The following PRTN3 variants were observed in gnomAD, a reference collection of about 807,000 sequenced individuals.
PRTN3 encodes the protein proteinase 3, also known as myeloblastin.
In PRTN3, 22 loss-of-function variants were observed where a neutral mutation model predicts 20.7. That is an observed-to-expected ratio of 1.06 (90% CI 0.76 to 1.52). The LOEUF is 1.52. Ranked by LOEUF, PRTN3 falls within the 40% of genes most tolerant of loss-of-function variation. The pLI, the probability that PRTN3 is intolerant of heterozygous loss-of-function variation, is 0.00. For missense variants in PRTN3, 378 were observed against 359.6 expected, an observed-to-expected ratio of 1.05 and a Z score of -0.41; for synonymous variants, 173 against 152.9, an observed-to-expected ratio of 1.13 and a Z score of -0.97.
rs555977799 is a variant in PRTN3, at chr19:843,808, G to T, written c.228-85G>T. On this transcript the variant is annotated intron_variant, in intron 2 of 4. Coordinates refer to ENST00000234347, the MANE Select transcript of PRTN3 (RefSeq NM_002777.4). ...CAGGGTCGCCGAGGGAGGGGTCTGG[G>T]GCTGCACCGCGGCCTCGGGAAGGGC... The T allele has an allele frequency of 1.5e-4, 225 of 1,493,416 alleles. 1 individual carries two copies. The African/African-American group carries it at 2.5e-3, about 16-fold the overall frequency. The allele number at this position is 1,493,416 out of a possible 1,614,324, so 92.5% of individuals were successfully genotyped here.
Position 843,623 on chromosome 19 carries a change from ACATGTGAGCGGCCG to A in PRTN3, c.226_227+12del. ...CTGACGGCCGCGCACTGCCTGCGGG[ACATGTGAGCGGCCG>A]CCTCCACACCCCTGTCCGCCCGCCC... is the stretch of plus-strand genomic sequence containing the variant. On this transcript the variant is annotated splice_donor_variant and splice_donor_5th_base_variant and coding_sequence_variant and intron_variant, in exon 2 of 5. Transcript: ENST00000234347. LOFTEE classifies it high-confidence loss of function. The A allele has an allele frequency of 6.3e-7, 1 of 1,575,080 alleles. No homozygotes were observed. The highest frequency in any genetic ancestry group is 8.6e-7 in the Non-Finnish European group (1 of 1,167,182).
intron 4 of PRTN3, among the ~76,000 whole-genome samples, chr19:846,715 A>C (rs1279570909): frequency 6.6e-6 from 1 of 151,182 alleles, no homozygotes; most frequent in East Asian, 1.9e-4. Context: ...CCCAGTTCCT[A>C]CGAAAGACCT....
chr19:841,804 T>C, intron 1 of PRTN3, among the ~76,000 whole-genome samples: 1 of 137,790 alleles, frequency 7.3e-6, no homozygotes, highest in African/African-American at 2.7e-5. Flanking sequence ...CTCGGCTCAC[T>C]GCAAGCTCAG....
intron 4 of PRTN3, 142 bp downstream of exon 4, chr19:846,519 C>A: frequency 1.1e-6 from 1 of 882,196 alleles, no homozygotes; most frequent in Non-Finnish European, 1.7e-6. Context: ...ACACCCAACA[C>A]CCAACGGGCA....
intron 3 of PRTN3, 21 bp downstream of exon 3, chr19:844,055 G>A (rs1346724733): frequency 1.9e-6 from 3 of 1,586,668 alleles, no homozygotes; most frequent in Non-Finnish European, 2.6e-6. Flanking sequence ...AGGGCCGCGA[G>A]GGCTCGGAGG....
At chr19:845,525 A>G (rs1179322739) in intron 3 of PRTN3, among the ~76,000 whole-genome samples, 1 of 151,646 alleles carries the variant, frequency 6.6e-6, no homozygotes, top group Admixed American at 6.6e-5. Context: ...GACCAGCCTG[A>G]TCGATATGGC....
intron 1 of PRTN3, among the ~76,000 whole-genome samples, chr19:841,645 G>A (rs915129233): frequency 6.6e-6 from 1 of 151,956 alleles, no homozygotes; most frequent in African/African-American, 2.4e-5. Context: ...AAAGGGTCGA[G>A]GAGTTAGTGA....
At chr19:844,341 CT>C (rs1249744888) in intron 3 of PRTN3, among the ~76,000 whole-genome samples, 4 of 111,906 alleles carry the variant, frequency 3.6e-5, no homozygotes, top group Non-Finnish European at 7.4e-5. Context: ...TTGCCCGCCC[CT>C]CTCCCCTGCC....
At position 843,941 on chromosome 19, in the gene PRTN3, G is replaced by A. The variant is rs1174539760; in HGVS notation, c.276G>A (p.Thr92=). The change falls in exon 3 of 5, where the codon ACG becomes ACA. Residue 92 remains threonine, a synonymous_variant. Transcript: ENST00000234347. ...TGCTCGGAGCCCACAACGTGCGGACGCAGGAGCCCACCCAGCAGCACTTCT... is the reference window on the plus strand; with the variant it reads ...TGCTCGGAGCCCACAACGTGCGGACACAGGAGCCCACCCAGCAGCACTTCT... ...NVVLGAHNVR[T]QEPTQQHFSV... 1 of 1,600,166 alleles carries A rather than the reference G, an allele frequency of 6.2e-7. No individual in the cohort carries two copies. Among genetic ancestry groups the A allele is most frequent in the Middle Eastern group, 1.7e-4 (1 of 6,016 alleles).
chr19:847,952 G>A lies in PRTN3; in HGVS notation c.754G>A (p.Ala252Thr). The A allele has an allele frequency of 1.2e-6, 2 of 1,601,438 alleles. No individual in the cohort carries two copies. Among genetic ancestry groups the A allele is most frequent in the Non-Finnish European group, 1.7e-6 (2 of 1,174,150 alleles). Residue 252 changes from alanine (A) to threonine (T), a missense_variant, in exon 5 of 5, where the codon GCC (alanine) becomes ACC (threonine). Coordinates refer to ENST00000234347, the MANE Select transcript of PRTN3 (RefSeq NM_002777.4). ...WIRSTLRRVEAKGRP is the reference protein window; with the variant it reads ...WIRSTLRRVETKGRP ...CCGTTCCACGCTGCGCCGTGTGGAG[G>A]CCAAGGGCCGCCCCTGAACCGCCCC... is the stretch of plus-strand genomic sequence containing the variant.
At chr19:844,673 C>T (rs2035494521) in intron 3 of PRTN3, among the ~76,000 whole-genome samples, 1 of 150,714 alleles carries the variant, frequency 6.6e-6, no homozygotes, top group South Asian at 2.1e-4. Flanking sequence ...CCGCGTGCTC[C>T]TCTCATTCAT....
chr19:844,735 G>A (rs1251976962), intron 3 of PRTN3, among the ~76,000 whole-genome samples: 3 of 151,260 alleles, frequency 2.0e-5, no homozygotes, highest in Non-Finnish European at 4.4e-5. Context: ...CCAGGGCAGA[G>A]GATTTTTGTC....
chr19:846,969 C>T (rs934117877), intron 4 of PRTN3, among the ~76,000 whole-genome samples: 3 of 152,090 alleles, frequency 2.0e-5, no homozygotes, highest in Admixed American at 6.6e-5. Flanking sequence ...TGGTCTTGAA[C>T]TCCTGGCATC....
intron 1 of PRTN3, 125 bp downstream of exon 1, chr19:841,194 A>T (rs2035433490): frequency 7.8e-7 from 1 of 1,279,436 alleles, no homozygotes; most frequent in Admixed American, 2.1e-5. Context: ...GGGTCAGGGG[A>T]GACTCCACTC....
Position 848,116 on chromosome 19 carries a change from C to G in PRTN3, c.*147C>G. ...CCCCACACTCCCTCCCACGGGGCTC[C>G]GGGAGACAGGCCGGCCCTGCACCTC... is the stretch of plus-strand genomic sequence containing the variant. On this transcript the variant is annotated 3_prime_UTR_variant, in exon 5 of 5. Transcript: ENST00000234347. The G allele has an allele frequency of 9.6e-7, 1 of 1,037,618 alleles. No homozygotes were observed. Among genetic ancestry groups the G allele is most frequent in the Non-Finnish European group, 1.4e-6 (1 of 734,466 alleles). 64.3% of individuals were successfully genotyped at this position (1,037,618 alleles called of 1,614,324 possible).
At chr19:843,740 C>G in intron 2 of PRTN3, 114 bp downstream of exon 2, 2 of 1,455,030 alleles carry the variant, frequency 1.4e-6, no homozygotes. Context: ...TCTGCAGACC[C>G]CAGGCCCCGC....
At chr19:842,585 A>ATTTTTTT (rs2035460028) in intron 1 of PRTN3, among the ~76,000 whole-genome samples, 1 of 61,334 alleles carries the variant, frequency 1.6e-5, no homozygotes, top group African/African-American at 1.4e-4. Context: ...ACACCTGGCT[A>ATTTTTTT]ATTTTTTTTT....
rs769529628 is a variant in PRTN3, at chr19:846,387, C to G, written c.600+10C>G. The G allele has an allele frequency of 5.2e-6, 8 of 1,548,558 alleles. No homozygotes were observed. The South Asian group carries it at 9.6e-5, about 19-fold the overall frequency. ...GGCCGGCATCTGCTTCGTAAGTAAC[C>G]GTGCCCCCACCCCGGGCACCGGGCT... On this transcript the variant is annotated intron_variant, in intron 4 of 4. Transcript: ENST00000234347.
intron 1 of PRTN3, 124 bp downstream of exon 1, chr19:841,193 G>A: frequency 7.8e-7 from 1 of 1,285,924 alleles, no homozygotes; most frequent in Admixed American, 2.1e-5. Context: ...AGGGTCAGGG[G>A]AGACTCCACT....
Sources: gnomAD v4.1 joint callset for allele counts (sites outside exome capture counted in the v4.1 genomes callset) on GRCh38, gnomAD v4.1.1 for gene constraint, MANE v1.5 for transcripts, NCBI Gene and HGNC (gene_info 2026-07-23, HGNC 2026-07-21) for gene names.